Variants in SDK2 observed in about 807,000 individuals in gnomAD.
SDK2 encodes the protein sidekick cell adhesion molecule 2.
SDK2 carries 105 observed loss-of-function variants against 253.9 expected under a neutral mutation model. The ratio of observed to expected loss-of-function variants is 0.41; its 90% confidence interval spans 0.35 to 0.49. The LOEUF is 0.49. Ranked by LOEUF, SDK2 falls within the 20% of genes least tolerant of loss-of-function variation. The pLI is 0.06. For missense variants in SDK2, 2,608 were observed against 3,003.0 expected (o/e 0.87, Z 3.07); for synonymous variants, 1,249 against 1,234.9 (o/e 1.01, Z -0.24).
chr17:73,390,939 A>T (rs961430840), intron 28 of SDK2, among the ~76,000 whole-genome samples: 1 of 152,152 alleles, frequency 6.6e-6, no homozygotes, highest in Non-Finnish European at 1.5e-5. Flanking sequence ...CCAAGCCCCC[A>T]TTTTAAAGGT....
At chr17:73,419,856 C>G (rs1001887549) in intron 15 of SDK2, among the ~76,000 whole-genome samples, 9 of 151,102 alleles carry the variant, frequency 6.0e-5, no homozygotes, top group Non-Finnish European at 1.0e-4. Context: ...GGAACTACAG[C>G]CTGGGAAACA....
intron 44 of SDK2, among the ~76,000 whole-genome samples, chr17:73,347,178 T>C (rs551188624): frequency 3.9e-5 from 6 of 152,030 alleles, no homozygotes; most frequent in East Asian, 1.9e-4. Context: ...CTGGCCAACA[T>C]AGTGAAACCC....
chr17:73,527,095 C>T (rs1009384884), intron 1 of SDK2, among the ~76,000 whole-genome samples: 20 of 152,270 alleles, frequency 1.3e-4, no homozygotes, highest in African/African-American at 4.6e-4. Flanking sequence ...AGGAGCTAGG[C>T]GGATGGGCAC....
In SDK2 at chr17:73,414,762, AGAG is replaced by A. The variant is rs761074800; in HGVS notation, c.2369-6_2369-4del. ...ATTGCCCGGAGGGACCGTGGGAACTAGAGGAGATGAGAGAACGGGGTGGGGTGG... is the reference window on the plus strand; with the variant it reads ...ATTGCCCGGAGGGACCGTGGGAACTAGAGATGAGAGAACGGGGTGGGGTGG... On this transcript the variant is annotated splice_region_variant and splice_polypyrimidine_tract_variant and intron_variant, in intron 17 of 44. Transcript: ENST00000392650. 3.4e-5 allele frequency: 54 copies of A among 1,598,370 alleles called. No individual in the cohort carries two copies. Among genetic ancestry groups the A allele is most frequent in the Middle Eastern group, 1.7e-4 (1 of 6,026 alleles).
chr17:73,402,434 C>G (rs999327041), intron 18 of SDK2, among the ~76,000 whole-genome samples: 4 of 152,344 alleles, frequency 2.6e-5, no homozygotes, highest in African/African-American at 9.6e-5. Context: ...AGGCATTTCA[C>G]CAGGAACAGC....
At chr17:73,354,375 G>T (rs182553446) in intron 40 of SDK2, among the ~76,000 whole-genome samples, 1 of 152,296 alleles carries the variant, frequency 6.6e-6, no homozygotes, top group Non-Finnish European at 1.5e-5. Context: ...CAGTCAGAGC[G>T]GTGCGGGTGC....
chr17:73,430,731 G>A, intron 11 of SDK2, 118 bp from the exon 12 acceptor site: 4 of 640,068 alleles, frequency 6.2e-6, no homozygotes, highest in Non-Finnish European at 9.8e-6. Context: ...GAGCTCCCTG[G>A]TACTTTAATT....
In SDK2 at chr17:73,422,370, G is replaced by T; in HGVS notation, c.1962C>A (p.Gly654=). 1 of 1,613,992 alleles carries T rather than the reference G, an allele frequency of 6.2e-7. No individual in the cohort carries two copies. Among genetic ancestry groups the T allele is most frequent in the Non-Finnish European group, 8.5e-7 (1 of 1,179,878 alleles). ...ACTGGTAGGAGCGTGCAGGAACCAG[G>T]CCCTTGACTGTCACTGAGGTAGCTT... ...DPKATSVTVK[G]LVPARSYQFR... is the part of the protein sequence containing the mutation. The change falls in exon 15 of 45, where the codon GGC becomes GGA. Residue 654 remains glycine, a synonymous_variant. Transcript: ENST00000392650.
intron 44 of SDK2, among the ~76,000 whole-genome samples, chr17:73,342,436 G>A (rs2062446635): frequency 6.6e-6 from 1 of 152,212 alleles, no homozygotes; most frequent in Non-Finnish European, 1.5e-5. Context: ...CCTGATGCTG[G>A]GCCGAGTGAG....
rs935811578 is a variant in SDK2 at position 73,361,934 on chromosome 17, G to T, written c.5306-89C>A. 2.9e-6 allele frequency: 4 copies of T among 1,356,494 alleles called. No homozygotes were observed. The highest frequency in any genetic ancestry group is 2.1e-4 in the Middle Eastern group (1 of 4,682). The allele number at this position is 1,356,494 out of a possible 1,614,324, so 84.0% of individuals were successfully genotyped here. On this transcript the variant is annotated intron_variant, in intron 38 of 44. Coordinates refer to ENST00000392650, the MANE Select transcript of SDK2 (RefSeq NM_001144952.2). The surrounding 1 kb of genome is among the most constrained non-coding windows in gnomAD (Gnocchi z 4.1). ...GGAAGGGGAAGCGGCCGTGGCCTGG[G>T]CCCCGGGACCCTGGGTAGGGGCCTC... is the stretch of plus-strand genomic sequence containing the variant.
chr17:73,416,124 C>T (rs1342601145), intron 16 of SDK2, 132 bp from the exon 17 acceptor site: 13 of 724,116 alleles, frequency 1.8e-5, no homozygotes, highest in East Asian at 1.4e-4. Context: ...CTGTGCTGTC[C>T]GACAGGGTGC....
chr17:73,529,699 T>C (rs1444658744), intron 1 of SDK2, among the ~76,000 whole-genome samples: 5 of 151,194 alleles, frequency 3.3e-5, no homozygotes, highest in Admixed American at 2.6e-4. Flanking sequence ...AAGGCAGAGA[T>C]TGCAGCAATA....
chr17:73,390,104 C>A (rs996126139), intron 29 of SDK2, among the ~76,000 whole-genome samples, 183 bp downstream of exon 29: 1 of 152,224 alleles, frequency 6.6e-6, no homozygotes, highest in Admixed American at 6.5e-5. Context: ...TGTGAACTTG[C>A]GGCTCATCTC....
intron 3 of SDK2, among the ~76,000 whole-genome samples, chr17:73,461,036 A>G (rs1463038165): frequency 6.6e-6 from 1 of 152,118 alleles, no homozygotes; most frequent in African/African-American, 2.4e-5. Context: ...GTCCATGTTC[A>G]CCCTGGCCCT....
Position 73,456,064 on chromosome 17 carries a change from G to C in SDK2, c.332-11C>G. ...CAAAGCTCCCCATGTCTGCAGCCGG[G>C]ACAACGGCAGTAGGATCAGGGGCGG... On this transcript the variant is annotated splice_polypyrimidine_tract_variant and intron_variant, in intron 3 of 44. Coordinates refer to ENST00000392650, the MANE Select transcript of SDK2 (RefSeq NM_001144952.2). 1 of 1,477,222 alleles carries C rather than the reference G, an allele frequency of 6.8e-7. No individual in the cohort carries two copies. Among genetic ancestry groups the C allele is most frequent in the Non-Finnish European group, 9.0e-7 (1 of 1,105,998 alleles). The allele number at this position is 1,477,222 out of a possible 1,614,324, so 91.5% of individuals were successfully genotyped here.
intron 1 of SDK2, among the ~76,000 whole-genome samples, chr17:73,569,589 TCCCCACCCCCAAC>T (rs1206822504): frequency 7.0e-6 from 1 of 143,454 alleles, no homozygotes; most frequent in Non-Finnish European, 1.5e-5. Flanking sequence ...TCAAAAGCAA[TCCCCACCCCCAAC>T]GAATTAAATC....
chr17:73,374,701 C>T (rs528614631), intron 36 of SDK2, among the ~76,000 whole-genome samples: 143 of 151,534 alleles, frequency 9.4e-4, no homozygotes, highest in African/African-American at 3.4e-3. Context: ...CTCCTGACCT[C>T]AAGTGATCTG....
At chr17:73,388,910 CT>C (rs2062901892) in intron 29 of SDK2, among the ~76,000 whole-genome samples, 1 of 88,350 alleles carries the variant, frequency 1.1e-5, no homozygotes, top group Admixed American at 1.1e-4. Flanking sequence ...CCCTCCCTCC[CT>C]CCCTTTTTCC....
chr17:73,379,656 G>C lies in SDK2; in HGVS notation c.4763-107C>G, dbSNP rs1226812496. On this transcript the variant is annotated intron_variant, in intron 34 of 44. Coordinates refer to ENST00000392650, the MANE Select transcript of SDK2 (RefSeq NM_001144952.2). This position sits in a 1 kb window ranked among gnomAD's most constrained non-coding sequence, Gnocchi z 4.5. ...GCAGGGGGAGGAATGAGGCACCCCC[G>C]CCATTCTAGCCCCCTCTGTGAAGGT... 1.5e-6 allele frequency: 1 copy of C among 665,798 alleles called. No individual in the cohort carries two copies. The highest frequency in any genetic ancestry group is 2.7e-5 in the Admixed American group (1 of 36,756). 41.2% of individuals were successfully genotyped at this position (665,798 alleles called of 1,614,324 possible).
Sources: allele counts gnomAD v4.1 joint callset (sites outside exome capture counted in the v4.1 genomes callset), GRCh38; gene constraint gnomAD v4.1.1; non-coding constraint Gnocchi (gnomAD v3.1); transcripts MANE v1.5; gene names NCBI Gene and HGNC (gene_info 2026-07-23, HGNC 2026-07-21).